The following EVI5 variants were observed in gnomAD, a reference collection of about 807,000 sequenced individuals.
EVI5 encodes ecotropic viral integration site 5.
In EVI5, 73 loss-of-function variants were observed where a neutral mutation model predicts 112.0. The observed-to-expected ratio is 0.65, with a 90% CI of 0.54 to 0.79. The LOEUF is 0.79. Ranked by LOEUF, EVI5 falls within the 30% of genes least tolerant of loss-of-function variation. The pLI is 0.00. For synonymous variants in EVI5, 305 were observed against 319.9 expected (o/e 0.95, Z 0.50); for missense variants, 900 against 968.8 (o/e 0.93, Z 0.94).
intron 19 of EVI5, among the ~76,000 whole-genome samples, chr1:92,530,927 G>T (rs150232209): frequency 1.7e-3 from 259 of 152,082 alleles, no homozygotes; most frequent in Admixed American, 3.5e-3. Context: ...AAACTGGATG[G>T]AGACTGAGTC....
intron 2 of EVI5, among the ~76,000 whole-genome samples, chr1:92,735,917 G>A (rs1677354894): frequency 6.8e-6 from 1 of 147,328 alleles, no homozygotes; most frequent in Non-Finnish European, 1.5e-5. Flanking sequence ...ACATGGTAAG[G>A]AAACAAACGG....
chr1:92,718,791 C>A (rs964831224), intron 2 of EVI5, among the ~76,000 whole-genome samples: 1 of 151,896 alleles, frequency 6.6e-6, no homozygotes, highest in Non-Finnish European at 1.5e-5. Context: ...AATTGATAGA[C>A]CTCAAGCAAG....
chr1:92,760,685 G>C (rs1416161542), intron 1 of EVI5, among the ~76,000 whole-genome samples: 3 of 148,164 alleles, frequency 2.0e-5, no homozygotes, highest in African/African-American at 5.0e-5. Context: ...AGTGACGCAA[G>C]ATCGCGCCAC....
chr1:92,511,275 C>T lies in EVI5; in HGVS notation c.*2381G>A, dbSNP rs1659175236. On this transcript the variant is annotated 3_prime_UTR_variant, in exon 20 of 20. Coordinates refer to ENST00000684568, the MANE Select transcript of EVI5 (RefSeq NM_001350197.2). ...ATCAGCCTGGCCAACATAGCGAAACCCCATCTCTACTAAAAATACAAAAAT... is the reference window on the plus strand; with the variant it reads ...ATCAGCCTGGCCAACATAGCGAAACTCCATCTCTACTAAAAATACAAAAAT... The T allele has an allele frequency of 6.6e-6, 1 of 151,824 alleles. No individual in the cohort carries two copies. Among genetic ancestry groups the T allele is most frequent in the African/African-American group, 2.4e-5 (1 of 41,296 alleles). The allele number at this position is 151,824 out of a possible 1,614,324, so 9.4% of individuals were successfully genotyped here.
chr1:92,653,946 C>T (rs892522301), intron 13 of EVI5, among the ~76,000 whole-genome samples: 2 of 152,008 alleles, frequency 1.3e-5, no homozygotes, highest in South Asian at 2.1e-4. Context: ...CCTGCCTGCC[C>T]GGGCTATGGA....
intron 14 of EVI5, among the ~76,000 whole-genome samples, chr1:92,629,658 T>TTTTTTTTC (rs374067937): frequency 6.6e-6 from 1 of 152,006 alleles, no homozygotes; most frequent in Non-Finnish European, 1.5e-5. Flanking sequence ...GAAATTTTCT[T>TTTTTTTTC]TTTTTTTCTT....
chr1:92,749,747 T>A (rs1196314849), intron 1 of EVI5, among the ~76,000 whole-genome samples: 1 of 152,154 alleles, frequency 6.6e-6, no homozygotes, highest in Non-Finnish European at 1.5e-5. Flanking sequence ...GAAAGTGTTA[T>A]AAAATAATGT....
chr1:92,650,843 A>G (rs1455020725), intron 13 of EVI5, among the ~76,000 whole-genome samples: 1 of 152,178 alleles, frequency 6.6e-6, no homozygotes, highest in Non-Finnish European at 1.5e-5. Flanking sequence ...GAAAACCACA[A>G]ATTTATTCCT....
At chr1:92,520,928 G>C (rs1034991829) in intron 19 of EVI5, among the ~76,000 whole-genome samples, 7 of 147,756 alleles carry the variant, frequency 4.7e-5, no homozygotes, top group Non-Finnish European at 7.5e-5. Flanking sequence ...CTTCTTCTTT[G>C]GCCTGCAAAA....
chr1:92,657,174 T>C (rs529628362), intron 13 of EVI5, among the ~76,000 whole-genome samples: 324 of 152,134 alleles, frequency 2.1e-3, no homozygotes, highest in African/African-American at 7.4e-3. Flanking sequence ...ATAAAGATAA[T>C]ATATCACAAT....
chr1:92,776,528 A>G (rs1684157173), intron 1 of EVI5, among the ~76,000 whole-genome samples: 1 of 152,158 alleles, frequency 6.6e-6, no homozygotes, highest in Non-Finnish European at 1.5e-5. Flanking sequence ...AATAGCTCAT[A>G]ACTTTTTCTA....
At chr1:92,753,538 G>C (rs1680504478) in intron 1 of EVI5, among the ~76,000 whole-genome samples, 1 of 152,146 alleles carries the variant, frequency 6.6e-6, no homozygotes, top group Non-Finnish European at 1.5e-5. Context: ...GAAATTATTA[G>C]TGTAATATTT....
At chr1:92,543,102 T>C (rs1369417585) in intron 19 of EVI5, among the ~76,000 whole-genome samples, 2 of 152,216 alleles carry the variant, frequency 1.3e-5, no homozygotes, top group Non-Finnish European at 2.9e-5. Flanking sequence ...TGAAGCCAGA[T>C]ATTGACTTCT....
chr1:92,726,808 C>T (rs1335573868), intron 2 of EVI5, among the ~76,000 whole-genome samples: 3 of 152,052 alleles, frequency 2.0e-5, no homozygotes. Context: ...TGCAAGTGTG[C>T]TATTATAAGG....
At chr1:92,525,788 C>T (rs563310455) in intron 19 of EVI5, among the ~76,000 whole-genome samples, 12 of 152,286 alleles carry the variant, frequency 7.9e-5, no homozygotes, top group East Asian at 1.9e-4. Context: ...CTGCTTCTTT[C>T]GGACCCAGGC....
intron 18 of EVI5, among the ~76,000 whole-genome samples, chr1:92,573,293 C>G (rs1670582256): frequency 6.6e-6 from 1 of 152,040 alleles, no homozygotes. Flanking sequence ...AAGAGTGATT[C>G]TGACACAGCC....
At chr1:92,649,657 T>G (rs1291237221) in intron 13 of EVI5, among the ~76,000 whole-genome samples, 1 of 151,928 alleles carries the variant, frequency 6.6e-6, no homozygotes, top group African/African-American at 2.4e-5. Context: ...TATTAAAAAA[T>G]ATGGAAATTA....
At chr1:92,531,672 C>T (rs1662887503) in intron 19 of EVI5, among the ~76,000 whole-genome samples, 1 of 152,206 alleles carries the variant, frequency 6.6e-6, no homozygotes, top group African/African-American at 2.4e-5. Flanking sequence ...CCCAGAATTT[C>T]ACATCCAGAC....
At chr1:92,593,696 T>C (rs1674408490) in intron 18 of EVI5, among the ~76,000 whole-genome samples, 1 of 152,140 alleles carries the variant, frequency 6.6e-6, no homozygotes, top group South Asian at 2.1e-4. Flanking sequence ...AAAATCTCCT[T>C]AAGCTGATAA....
Sources: gnomAD v4.1 joint callset for allele counts (sites outside exome capture counted in the v4.1 genomes callset) on GRCh38, gnomAD v4.1.1 for gene constraint, MANE v1.5 for transcripts, NCBI Gene and HGNC (gene_info 2026-07-23, HGNC 2026-07-21) for gene names.